The following LRRC37B variants were observed in gnomAD, a reference collection of about 807,000 sequenced individuals.
LRRC37B encodes leucine rich repeat containing 37B, also known as leucine-rich repeat-containing protein 37B.
Under a neutral mutation model 98.3 loss-of-function variants are expected in LRRC37B, and 28 were observed. The observed-to-expected ratio is 0.28, with a 90% confidence interval of 0.21 to 0.39. The LOEUF (loss-of-function observed/expected upper bound fraction) is 0.39, where lower values mean the gene tolerates loss of function less well. LRRC37B is among the 10% of genes least tolerant of loss of function. The pLI, the probability that LRRC37B is intolerant of heterozygous loss-of-function variation, is 1.00. For synonymous variants in LRRC37B, 364 were observed against 442.7 expected (o/e 0.82, Z 2.23); for missense variants, 938 against 1,182.7 (o/e 0.79, Z 3.03).
At chr17:32,023,069 C>T (rs567331695) in intron 1 of LRRC37B, among the ~76,000 whole-genome samples, 1 of 152,150 alleles carries the variant, frequency 6.6e-6, no homozygotes, top group South Asian at 2.1e-4. Flanking sequence ...CTTATTTACC[C>T]CATCACATCA....
chr17:32,017,732 C>A (rs538143024), upstream of LRRC37B, among the ~76,000 whole-genome samples: 2 of 151,872 alleles, frequency 1.3e-5, no homozygotes, highest in Non-Finnish European at 2.9e-5. Flanking sequence ...TTCCAGGCTG[C>A]AGTGAGCTAT....
At chr17:32,031,822 A>G (rs1422520688) in intron 5 of LRRC37B, among the ~76,000 whole-genome samples, 1 of 151,746 alleles carries the variant, frequency 6.6e-6, no homozygotes, top group Non-Finnish European at 1.5e-5. Context: ...TGGCCAACAT[A>G]GTGAATCCCC....
chr17:32,014,968 C>CA lies in LRRC37B; in HGVS notation c.-190-2998dup, dbSNP rs762840935. Among the ~76,000 whole-genome samples, 38 of 152,130 alleles carry CA rather than the reference C, an allele frequency of 2.5e-4. No homozygotes were observed. The East Asian group carries it at 3.7e-3, about 15-fold the overall frequency. On this transcript the variant is annotated intron_variant, in intron 1 of 14. Coordinates refer to the LRRC37B transcript ENST00000543378. ...CCAACATGGTGAGACCCCATCTCTACAAAAAATATAAAAATTAGCCAGGTG... is the reference window on the plus strand; with the variant it reads ...CCAACATGGTGAGACCCCATCTCTACAAAAAAATATAAAAATTAGCCAGGTG...
chr17:32,016,823 G>A (rs1336661145), upstream of LRRC37B: 1 of 152,140 alleles, frequency 6.6e-6, no homozygotes, highest in Non-Finnish European at 1.5e-5. Flanking sequence ...AATTTAGTAG[G>A]CCTGGGTTTA....
chr17:32,050,735 C>T (rs989315097), intron 11 of LRRC37B, among the ~76,000 whole-genome samples: 2 of 151,980 alleles, frequency 1.3e-5, no homozygotes, highest in East Asian at 1.9e-4. Flanking sequence ...TGAGATGTGT[C>T]ACCATTTCTT....
chr17:32,049,823 G>A (rs1460039826), intron 10 of LRRC37B, among the ~76,000 whole-genome samples, 180 bp from the exon 14 acceptor site: 4 of 151,852 alleles, frequency 2.6e-5, no homozygotes, highest in African/African-American at 4.8e-5. Context: ...AACTGTGATC[G>A]CACCACTGTA....
intron 5 of LRRC37B, chr17:32,033,949 A>G (rs1439386882): frequency 6.6e-6 from 1 of 152,192 alleles, no homozygotes; most frequent in African/African-American, 2.4e-5. Context: ...GATGACAATG[A>G]CAATAAGATG....
Position 32,047,794 on chromosome 17 carries a change from C to T in LRRC37B, c.2357C>T (p.Ala786Val), listed in dbSNP as rs764396617. Residue 786 changes from alanine to valine, a missense_variant, in exon 9 of 12, where the codon GCG (alanine) becomes GTG (valine). This residue lies in a region of LRRC37B where 328 missense variants were observed against 557.0 expected (regional missense o/e 0.59). Transcript: ENST00000327564. The stretch of plus-strand genomic sequence containing the variant: ...GCATCTGTAGGGAATCCAGAAGGAG[C>T]GTTCATGAAGATGTTACAAGCCCGG... The T allele has an allele frequency of 5.0e-6, 8 of 1,613,874 alleles. No homozygotes were observed. Among genetic ancestry groups the T allele is most frequent in the Middle Eastern group, 1.6e-4 (1 of 6,078 alleles).
chr17:32,041,179 G>A (rs745647514), intron 7 of LRRC37B: 35 of 771,932 alleles, frequency 4.5e-5, no homozygotes, highest in Non-Finnish European at 5.6e-5. Flanking sequence ...CGCCCCAAGC[G>A]GGAGTATAAG....
At chr17:32,027,704 T>C in intron 2 of LRRC37B, 65 bp from the exon 6 acceptor site, 1 of 1,340,562 alleles carries the variant, frequency 7.5e-7, no homozygotes, top group South Asian at 1.2e-5. Context: ...ATGCAGGAGA[T>C]AGTCCTGTGT....
At chr17:32,041,069 G>A in intron 7 of LRRC37B, 1 of 766,074 alleles carries the variant, frequency 1.3e-6, no homozygotes, top group Middle Eastern at 2.3e-4. Flanking sequence ...GTCAACTCCG[G>A]GCCCTGGCGG....
At chr17:32,012,269 C>T (rs1051303932) in intron 1 of LRRC37B, among the ~76,000 whole-genome samples, 1 of 152,194 alleles carries the variant, frequency 6.6e-6, no homozygotes, top group African/African-American at 2.4e-5. Context: ...GGTTTGTTCT[C>T]TTTCTCCTTG....
chr17:32,047,821 A>G (rs780311778), exon 9 of LRRC37B: 3 of 1,614,110 alleles, frequency 1.9e-6, no homozygotes, highest in Non-Finnish European at 2.5e-6. Context: ...CAAGCCCGGA[A>G]GCAGCACATG....
intron 5 of LRRC37B, among the ~76,000 whole-genome samples, chr17:32,032,015 T>C (rs1911125304): frequency 6.6e-6 from 1 of 151,796 alleles, no homozygotes; most frequent in African/African-American, 2.4e-5. Flanking sequence ...GCGTAGTGGC[T>C]CATGCCTATA....
Position 32,045,694 on chromosome 17 carries a change from C to T in LRRC37B, c.2205-6C>T, listed in dbSNP as rs768297866. 2.0e-5 allele frequency: 32 copies of T among 1,605,174 alleles called. No homozygotes were observed. The highest frequency in any genetic ancestry group is 6.8e-6 in the Non-Finnish European group (8 of 1,179,476). On this transcript the variant is annotated splice_region_variant and splice_polypyrimidine_tract_variant and intron_variant, in intron 7 of 11. Coordinates refer to ENST00000327564, the Ensembl canonical transcript of LRRC37B. ...CTAATTTATTGTTTTGTGTTTTCAT[C>T]TATAGGATCTTACCTAGCCATATGG...
chr17:32,024,775 G>A lies in LRRC37B; in HGVS notation c.1825G>A (p.Glu609Lys), dbSNP rs749130563. The change falls in exon 2 of 12, where the codon GAG (glutamate) becomes AAG (lysine). Residue 609 changes from glutamate (E) to lysine (K), a missense_variant. Around this residue, in one of 2 missense-constraint regions of LRRC37B, gnomAD observed 328 missense variants for 557.0 expected, o/e 0.59. Coordinates refer to ENST00000327564, the Ensembl canonical transcript of LRRC37B. ...TGTATGGAAAGCATACAGTTGGACC[G>A]AGAAACTGTGAGTATATTCTCTCCA... 77 of 1,604,370 alleles carry A rather than the reference G, an allele frequency of 4.8e-5. 1 individual carries two copies. In the South Asian group the frequency reaches 7.2e-4, roughly 15 times the overall value.
intron 1 of LRRC37B, among the ~76,000 whole-genome samples, chr17:32,013,253 C>T (rs1910576577): frequency 6.6e-6 from 1 of 152,180 alleles, no homozygotes; most frequent in Non-Finnish European, 1.5e-5. Flanking sequence ...CATCTGCCCA[C>T]CTCAGCCTCC....
chr17:32,007,830 C>T, upstream of LRRC37B: 2 of 1,174,072 alleles, frequency 1.7e-6, no homozygotes, highest in Non-Finnish European at 1.1e-6. The surrounding 1 kb of genome is among the most constrained non-coding windows in gnomAD (Gnocchi z 4.1). Flanking sequence ...GAGGAAGCCA[C>T]CGCCGCCGGC....
At chr17:32,039,772 C>T (rs1485379015) in intron 7 of LRRC37B, among the ~76,000 whole-genome samples, 10 of 151,356 alleles carry the variant, frequency 6.6e-5, no homozygotes, top group South Asian at 2.1e-4. Flanking sequence ...AAGGGCCCTT[C>T]ATTTGGCACT....
Sources: allele counts gnomAD v4.1 joint callset (sites outside exome capture counted in the v4.1 genomes callset), GRCh38; gene constraint gnomAD v4.1.1; regional missense constraint gnomAD v4.1.1; non-coding constraint Gnocchi (gnomAD v3.1); transcripts MANE v1.5; gene names NCBI Gene and HGNC (gene_info 2026-07-23, HGNC 2026-07-21).